LDAH: variants seen among roughly 807,000 people sequenced by gnomAD.
LDAH encodes lipid droplet associated hydrolase, also known as lipid droplet-associated hydrolase.
LDAH carries 26 observed loss-of-function variants against 29.6 expected under a neutral mutation model. The observed-to-expected ratio is 0.88, with a 90% CI of 0.64 to 1.22. LDAH has a LOEUF of 1.22. LDAH is among the 50% of genes most tolerant of loss of function. The pLI is 0.00. For missense variants in LDAH, 344 were observed against 387.3 expected (o/e 0.89, Z 0.94); for synonymous variants, 117 against 133.0 (o/e 0.88, Z 0.83).
chr2:20,741,815 A>G (rs1180225157), intron 4 of LDAH, among the ~76,000 whole-genome samples: 5 of 152,162 alleles, frequency 3.3e-5, no homozygotes, highest in African/African-American at 1.2e-4. Flanking sequence ...CTTTTTTAAG[A>G]CTGAGCAGTA....
intron 5 of LDAH, among the ~76,000 whole-genome samples, chr2:20,725,467 A>G (rs1205727600): frequency 6.6e-6 from 1 of 152,194 alleles, no homozygotes; most frequent in Non-Finnish European, 1.5e-5. Flanking sequence ...CTGCAGGAAC[A>G]TGGCAACGAT....
intron 1 of LDAH, among the ~76,000 whole-genome samples, chr2:20,804,949 C>T (rs930286527): frequency 2.0e-5 from 3 of 152,100 alleles, no homozygotes; most frequent in Non-Finnish European, 4.4e-5. Flanking sequence ...TCACAAACTA[C>T]AGTATATTTA....
intron 5 of LDAH, among the ~76,000 whole-genome samples, chr2:20,706,017 G>T (rs1664278729): frequency 6.6e-6 from 1 of 152,152 alleles, no homozygotes; most frequent in African/African-American, 2.4e-5. Flanking sequence ...CTGAAATGTG[G>T]CCAGGGCAAT....
chr2:20,689,636 C>T (rs1194177501), intron 6 of LDAH, among the ~76,000 whole-genome samples: 1 of 152,222 alleles, frequency 6.6e-6, no homozygotes, highest in Non-Finnish European at 1.5e-5. Context: ...GTGCTGATAA[C>T]ATTAGGCTCT....
At chr2:20,689,774 G>C (rs979208135) in intron 6 of LDAH, among the ~76,000 whole-genome samples, 1 of 152,138 alleles carries the variant, frequency 6.6e-6, no homozygotes, top group Non-Finnish European at 1.5e-5. Flanking sequence ...GAGAAATCTG[G>C]AAAGTCAGAC....
intron 5 of LDAH, among the ~76,000 whole-genome samples, chr2:20,702,543 C>T (rs1410180196): frequency 6.6e-6 from 1 of 152,206 alleles, no homozygotes; most frequent in African/African-American, 2.4e-5. Flanking sequence ...ATACCCTACG[C>T]TTTCTTGTTA....
chr2:20,685,708 T>C lies in LDAH; in HGVS notation c.*1195A>G. On this transcript the variant is annotated 3_prime_UTR_variant, in exon 7 of 7. Coordinates refer to ENST00000237822, the MANE Select transcript of LDAH (RefSeq NM_021925.4). ...TCCATGATCAACTGTCACTGCAGTA[T>C]GTGGTTCTCAAGATTGAGTCAATTT... 1 of 1,528,434 alleles carries C rather than the reference T, an allele frequency of 6.5e-7. No individual in the cohort carries two copies. The highest frequency in any genetic ancestry group is 8.8e-7 in the Non-Finnish European group (1 of 1,137,818). 94.7% of individuals were successfully genotyped at this position (1,528,434 alleles called of 1,614,324 possible).
intron 3 of LDAH, among the ~76,000 whole-genome samples, chr2:20,785,681 A>G (rs1201432399): frequency 6.6e-6 from 1 of 151,232 alleles, no homozygotes; most frequent in African/African-American, 2.4e-5. Context: ...TTGTCCCACA[A>G]CTCTTGGATG....
At chr2:20,717,021 TAA>T in intron 5 of LDAH, among the ~76,000 whole-genome samples, 1 of 152,264 alleles carries the variant, frequency 6.6e-6, no homozygotes, top group East Asian at 1.9e-4. Flanking sequence ...GTCTTTTCAC[TAA>T]ATGATGATGG....
intron 3 of LDAH, among the ~76,000 whole-genome samples, chr2:20,785,256 A>C (rs2125054935): frequency 6.6e-6 from 1 of 152,234 alleles, no homozygotes; most frequent in South Asian, 2.1e-4. Context: ...TAATTTCCTC[A>C]GCTGCTGTTG....
At chr2:20,775,034 A>T in intron 3 of LDAH, 55 bp from the exon 4 acceptor site, 1 of 1,447,084 alleles carries the variant, frequency 6.9e-7, no homozygotes, top group Non-Finnish European at 9.5e-7. Context: ...CACTGAAAAA[A>T]GATCAAGAAA....
intron 2 of LDAH, among the ~76,000 whole-genome samples, chr2:20,794,006 T>C (rs685246): frequency 0.15 from 22,323 of 152,158 alleles, 4,015 homozygotes; most frequent in African/African-American, 0.43. Context: ...TCTGTTTTCA[T>C]GCTGCTGATA....
intron 6 of LDAH, among the ~76,000 whole-genome samples, chr2:20,695,052 G>A (rs1469996009): frequency 2.0e-5 from 3 of 152,230 alleles, no homozygotes; most frequent in East Asian, 3.8e-4. Context: ...GGGGGCAAAT[G>A]TACTGGAATG....
At chr2:20,779,800 T>A (rs1317842306) in intron 3 of LDAH, among the ~76,000 whole-genome samples, 3 of 151,968 alleles carry the variant, frequency 2.0e-5, no homozygotes, top group Non-Finnish European at 4.4e-5. Flanking sequence ...AAAATAAATT[T>A]AAAAAAAAGA....
At chr2:20,706,704 TAA>T (rs72339311) in intron 5 of LDAH, among the ~76,000 whole-genome samples, 65 of 118,278 alleles carry the variant, frequency 5.5e-4, no homozygotes, top group Admixed American at 8.9e-4. Flanking sequence ...CTGAAACAAC[TAA>T]AAAAAAAAAA....
At chr2:20,743,075 T>C (rs372420749) in intron 4 of LDAH, among the ~76,000 whole-genome samples, 1 of 152,136 alleles carries the variant, frequency 6.6e-6, no homozygotes. Flanking sequence ...TTTGGTGCAC[T>C]TAGACCACTG....
intron 4 of LDAH, among the ~76,000 whole-genome samples, chr2:20,767,599 G>A (rs1345081432): frequency 6.6e-6 from 1 of 152,198 alleles, no homozygotes; most frequent in African/African-American, 2.4e-5. Context: ...CTGGCAGGAG[G>A]CAGATGGGCC....
intron 1 of LDAH, among the ~76,000 whole-genome samples, chr2:20,807,868 A>G (rs1336425474): frequency 2.0e-5 from 3 of 151,698 alleles, no homozygotes; most frequent in Non-Finnish European, 2.9e-5. Flanking sequence ...AAAAGATATA[A>G]ATATATTTAG....
At chr2:20,811,254 G>A (rs1387692773) in intron 1 of LDAH, among the ~76,000 whole-genome samples, 1 of 151,890 alleles carries the variant, frequency 6.6e-6, no homozygotes, top group Non-Finnish European at 1.5e-5. Flanking sequence ...TCCTGACCTC[G>A]TGATCCGCCC....
Sources: allele counts gnomAD v4.1 joint callset (sites outside exome capture counted in the v4.1 genomes callset), GRCh38; gene constraint gnomAD v4.1.1; transcripts MANE v1.5; gene names NCBI Gene and HGNC (gene_info 2026-07-23, HGNC 2026-07-21).